Variants in MAGI2 observed in about 807,000 individuals in gnomAD.
The protein encoded by MAGI2 is membrane-associated guanylate kinase, WW and PDZ domain-containing protein 2.
In MAGI2, 35 loss-of-function variants were observed where a neutral mutation model predicts 133.3. That is an observed-to-expected ratio of 0.26 (90% CI 0.20 to 0.35). The LOEUF (loss-of-function observed/expected upper bound fraction) is 0.35, where lower values mean the gene tolerates loss of function less well. MAGI2 is among the 10% of genes least tolerant of loss of function. The pLI, the probability that MAGI2 is intolerant of heterozygous loss-of-function variation, is 1.00. For missense variants in MAGI2, 1,636 were observed against 1,863.4 expected, an observed-to-expected ratio of 0.88 and a Z score of 2.25; for synonymous variants, 729 against 710.6, an observed-to-expected ratio of 1.03 and a Z score of -0.41.
At chr7:78,744,876 C>A (rs1305662323) in intron 2 of MAGI2, among the ~76,000 whole-genome samples, 6 of 152,024 alleles carry the variant, frequency 3.9e-5, no homozygotes, top group African/African-American at 1.4e-4. Context: ...AGAAACAAAC[C>A]ACAGTAATCA....
At chr7:78,725,439 C>T (rs74435649) in intron 2 of MAGI2, among the ~76,000 whole-genome samples, 1 of 152,196 alleles carries the variant, frequency 6.6e-6, no homozygotes, top group African/African-American at 2.4e-5. Context: ...ACTGAAAACA[C>T]GCACTATGCA....
At chr7:78,668,634 C>A (rs1197918779) in intron 2 of MAGI2, among the ~76,000 whole-genome samples, 1 of 151,990 alleles carries the variant, frequency 6.6e-6, no homozygotes, top group Non-Finnish European at 1.5e-5. Context: ...TTCCCAGCAC[C>A]ATTTATTAAA....
At chr7:78,296,464 T>C (rs751831843) in intron 9 of MAGI2, among the ~76,000 whole-genome samples, 2 of 152,188 alleles carry the variant, frequency 1.3e-5, no homozygotes, top group Non-Finnish European at 2.9e-5. Context: ...TCACTTATTC[T>C]GGTTTTTCTT....
intron 4 of MAGI2, among the ~76,000 whole-genome samples, chr7:78,506,679 G>A (rs1018927314): frequency 2.6e-5 from 4 of 152,230 alleles, no homozygotes; most frequent in Non-Finnish European, 5.9e-5. Context: ...AGCAAGACAA[G>A]GACATAAAAT....
chr7:79,338,746 C>G (rs1196919521), intron 1 of MAGI2, among the ~76,000 whole-genome samples: 1 of 152,068 alleles, frequency 6.6e-6, no homozygotes, highest in Admixed American at 6.6e-5. Context: ...TTTTTGCTCC[C>G]TTGAGATGAA....
chr7:78,912,761 ATC>A (rs940446890), intron 2 of MAGI2, among the ~76,000 whole-genome samples: 19 of 147,456 alleles, frequency 1.3e-4, no homozygotes, highest in South Asian at 4.2e-4. Context: ...ATATATATAT[ATC>A]ATTCATATAT....
intron 1 of MAGI2, among the ~76,000 whole-genome samples, chr7:79,332,695 C>T (rs1264627924): frequency 2.6e-5 from 4 of 152,170 alleles, no homozygotes; most frequent in African/African-American, 7.2e-5. Flanking sequence ...TTGTACTGTG[C>T]TTGCAATAAA....
intron 20 of MAGI2, among the ~76,000 whole-genome samples, chr7:78,114,683 C>A (rs530789649): frequency 6.6e-6 from 1 of 152,122 alleles, no homozygotes; most frequent in Non-Finnish European, 1.5e-5. Context: ...TCTCTGTGCC[C>A]GGGACCCAGG....
intron 21 of MAGI2, among the ~76,000 whole-genome samples, chr7:78,051,676 C>T (rs1812015230): frequency 6.6e-6 from 1 of 152,046 alleles, no homozygotes; most frequent in Admixed American, 6.6e-5. Context: ...CCTCTGCCTC[C>T]TGTGTTCAAG....
intron 3 of MAGI2, among the ~76,000 whole-genome samples, chr7:78,605,870 CG>C (rs1805756728): frequency 6.6e-6 from 1 of 152,038 alleles, no homozygotes; most frequent in African/African-American, 2.4e-5. Context: ...GGGAGGTACT[CG>C]AGCAGAAAAG....
chr7:78,662,592 C>T (rs1813091671), intron 2 of MAGI2, among the ~76,000 whole-genome samples: 1 of 152,000 alleles, frequency 6.6e-6, no homozygotes, highest in South Asian at 2.1e-4. Flanking sequence ...TATTTATTTC[C>T]ATTTATTTTA....
chr7:78,401,671 C>A (rs1796880250), intron 6 of MAGI2, among the ~76,000 whole-genome samples: 1 of 152,034 alleles, frequency 6.6e-6, no homozygotes. Flanking sequence ...GCTTATAGTT[C>A]CTTCTCCTTC....
intron 7 of MAGI2, among the ~76,000 whole-genome samples, chr7:78,355,812 A>G (rs191177862): frequency 2.0e-5 from 3 of 152,322 alleles, no homozygotes. Flanking sequence ...ATTGTGAACT[A>G]CCTGCTTACT....
At chr7:79,021,035 A>C (rs1809276587) in intron 1 of MAGI2, among the ~76,000 whole-genome samples, 1 of 152,200 alleles carries the variant, frequency 6.6e-6, no homozygotes, top group African/African-American at 2.4e-5. Flanking sequence ...CCATTGCTTC[A>C]CAGTGTGCAT....
At chr7:78,861,524 C>T (rs1794154957) in intron 2 of MAGI2, among the ~76,000 whole-genome samples, 1 of 152,138 alleles carries the variant, frequency 6.6e-6, no homozygotes, top group African/African-American at 2.4e-5. Flanking sequence ...AAACTACAAC[C>T]ACTTTATACT....
chr7:78,083,740 TTCTTTAACAAAACACCAAA>T (rs902611721), intron 20 of MAGI2, among the ~76,000 whole-genome samples: 4 of 152,356 alleles, frequency 2.6e-5, no homozygotes, highest in Non-Finnish European at 5.9e-5. Context: ...TAGCGGATTT[TTCTTTAACAAAACACCAAA>T]TCTTTGAACT....
chr7:78,299,525 C>CA (rs939540553), intron 9 of MAGI2, among the ~76,000 whole-genome samples: 3 of 151,904 alleles, frequency 2.0e-5, no homozygotes, highest in Admixed American at 1.3e-4. Context: ...GAAAGAAGTA[C>CA]AAAAAAATGC....
chr7:78,559,005 T>G (rs1800113809), intron 3 of MAGI2, among the ~76,000 whole-genome samples: 2 of 151,716 alleles, frequency 1.3e-5, no homozygotes, highest in South Asian at 4.2e-4. Context: ...CATTTTTGCA[T>G]CTTAACAAAA....
chr7:78,573,061 A>G (rs1307004378), intron 3 of MAGI2, among the ~76,000 whole-genome samples: 7 of 105,582 alleles, frequency 6.6e-5, no homozygotes, highest in Non-Finnish European at 1.1e-4. Context: ...ATATATATAT[A>G]TATATATATA....
Sources: allele counts gnomAD v4.1 joint callset (sites outside exome capture counted in the v4.1 genomes callset), GRCh38; gene constraint gnomAD v4.1.1; transcripts MANE v1.5; gene names NCBI Gene and HGNC (gene_info 2026-07-23, HGNC 2026-07-21).